Variants in OSBPL3 observed in about 807,000 individuals in gnomAD.
The protein encoded by OSBPL3 is oxysterol binding protein like 3.
OSBPL3 carries 65 observed loss-of-function variants against 120.1 expected under a neutral mutation model. That is an observed-to-expected ratio of 0.54 (90% confidence interval 0.44 to 0.67). OSBPL3 has a LOEUF of 0.67. Ranked by LOEUF, OSBPL3 falls within the 30% of genes least tolerant of loss-of-function variation. The probability of loss-of-function intolerance (pLI) is 0.00; values close to 1 mark genes in which losing one functional copy is unlikely to be tolerated. For missense variants in OSBPL3, 1,004 were observed against 1,082.1 expected (o/e 0.93, Z 1.01); for synonymous variants, 416 against 402.6 (o/e 1.03, Z -0.40).
Position 24,842,356 on chromosome 7 carries a change from G to C in OSBPL3, c.1324C>G (p.Leu442Val). ...LVHQLSNESR[L>V]SITDSLSEFF... ...TCAGAAAGGGAGTCAGTGATGGAGA[G>C]TCTACTTTCATTAGAAAGCTGATGA... The change falls in exon 13 of 23, where the codon CTC becomes GTC. Residue 442 changes from leucine (L) to valine (V), a missense_variant. Coordinates refer to ENST00000313367, the MANE Select transcript of OSBPL3 (RefSeq NM_015550.4). The C allele has an allele frequency of 6.2e-7, 1 of 1,612,604 alleles. No homozygotes were observed. The highest frequency in any genetic ancestry group is 8.5e-7 in the Non-Finnish European group (1 of 1,179,016).
chr7:24,941,358 CT>C (rs1455102654), intron 1 of OSBPL3, among the ~76,000 whole-genome samples: 31 of 152,108 alleles, frequency 2.0e-4, no homozygotes, highest in Admixed American at 2.0e-3. Flanking sequence ...TTCTTAAAGT[CT>C]CTACTCCCAA....
At position 24,937,683 on chromosome 7, in the gene OSBPL3, A is replaced by G. The variant is rs1812590571; in HGVS notation, c.-150+42203T>C. Reference sequence around the variant, plus strand: ...CTGGAGGTTTATGGTGCTATCAGGCATAAAACATGAAACACCTTAAACCTA... The same window carrying G: ...CTGGAGGTTTATGGTGCTATCAGGCGTAAAACATGAAACACCTTAAACCTA... On this transcript the variant is annotated intron_variant, in intron 1 of 22. Coordinates refer to ENST00000313367, the MANE Select transcript of OSBPL3 (RefSeq NM_015550.4). The surrounding 1 kb of genome is among the most constrained non-coding windows in gnomAD (Gnocchi z 4.0). 6.6e-6 allele frequency among the ~76,000 whole-genome samples: 1 copy of G among 152,236 alleles called. No individual in the cohort carries two copies. The highest frequency in any genetic ancestry group is 6.5e-5 in the Admixed American group (1 of 15,286).
At chr7:24,884,995 TA>T (rs977021973) in intron 2 of OSBPL3, among the ~76,000 whole-genome samples, 5 of 151,878 alleles carry the variant, frequency 3.3e-5, no homozygotes, top group Non-Finnish European at 7.4e-5. Context: ...TTGAAAGAAA[TA>T]AATGGGGCCA....
In OSBPL3 at chr7:24,800,293, A is replaced by G; in HGVS notation, c.2568-14T>C. The G allele has an allele frequency of 1.3e-6, 2 of 1,530,086 alleles. 1 individual carries two copies. The highest frequency in any genetic ancestry group is 2.2e-5 in the South Asian group (2 of 89,124). 94.8% of individuals were successfully genotyped at this position (1,530,086 alleles called of 1,614,324 possible). On this transcript the variant is annotated splice_polypyrimidine_tract_variant and intron_variant, in intron 22 of 22. Transcript: ENST00000313367. ...TCGTCGGATTTCCTGTGAAAGAAGAAACAATTTCTTGCAGACTCTTGAAAC... is the reference window on the plus strand; with the variant it reads ...TCGTCGGATTTCCTGTGAAAGAAGAGACAATTTCTTGCAGACTCTTGAAAC...
At chr7:24,897,580 C>T (rs1450669707) in intron 1 of OSBPL3, among the ~76,000 whole-genome samples, 3 of 152,130 alleles carry the variant, frequency 2.0e-5, no homozygotes, top group Non-Finnish European at 2.9e-5. Flanking sequence ...CCGCCTCGGC[C>T]TCCCAAAGTG....
In OSBPL3 at chr7:24,854,502, G is replaced by GCACACA. The variant is rs70942889; in HGVS notation, c.1028-1874_1028-1869dup. ...CACAACAATTTGTACACACACACAC[G>GCACACA]CACACACACACACACACACACACAC... On this transcript the variant is annotated intron_variant, in intron 10 of 22. Coordinates refer to ENST00000313367, the MANE Select transcript of OSBPL3 (RefSeq NM_015550.4). The surrounding 1 kb of genome is among the most constrained non-coding windows in gnomAD (Gnocchi z 4.1). 3.4e-3 allele frequency among the ~76,000 whole-genome samples: 450 copies of GCACACA among 131,584 alleles called. No individual in the cohort carries two copies. The highest frequency in any genetic ancestry group is 0.01 in the African/African-American group (365 of 35,934). 86.3% of individuals were successfully genotyped at this position (131,584 alleles called of 152,430 possible).
chr7:24,978,813 A>G (rs1165201989), intron 1 of OSBPL3, among the ~76,000 whole-genome samples: 1 of 152,240 alleles, frequency 6.6e-6, no homozygotes, highest in African/African-American at 2.4e-5. Flanking sequence ...ACGCAGACAC[A>G]TGGAAACCGA....
chr7:24,943,876 A>T (rs1813385373), intron 1 of OSBPL3, among the ~76,000 whole-genome samples: 1 of 152,088 alleles, frequency 6.6e-6, no homozygotes, highest in Non-Finnish European at 1.5e-5. Flanking sequence ...TTATCATTGT[A>T]CTCCACCAGA....
intron 1 of OSBPL3, among the ~76,000 whole-genome samples, chr7:24,915,256 T>C (rs1251570742): frequency 2.0e-5 from 3 of 152,196 alleles, no homozygotes; most frequent in Non-Finnish European, 2.9e-5. Context: ...TTCTCCAACA[T>C]GTAAGTTTTT....
In OSBPL3 at chr7:24,822,786, G is replaced by A. The variant is rs1483415894; in HGVS notation, c.1885-2548C>T. Among the ~76,000 whole-genome samples the A allele has an allele frequency of 6.6e-6, 1 of 152,122 alleles. No individual in the cohort carries two copies. The highest frequency in any genetic ancestry group is 2.4e-5 in the African/African-American group (1 of 41,412). On this transcript the variant is annotated intron_variant, in intron 16 of 22. Transcript: ENST00000313367. The surrounding 1 kb of genome is among the most constrained non-coding windows in gnomAD (Gnocchi z 5.8). The stretch of plus-strand genomic sequence containing the variant: ...TATGAATTACAAGAGAACCCCTACA[G>A]TATACACACATCTCATAAAAACCCA...
chr7:24,840,164 G>A (rs1167183366), intron 14 of OSBPL3, among the ~76,000 whole-genome samples: 1 of 151,794 alleles, frequency 6.6e-6, no homozygotes, highest in Non-Finnish European at 1.5e-5. Flanking sequence ...AGGGGGTGGG[G>A]TCCATGTCTT....
At position 24,804,586 on chromosome 7, in the gene OSBPL3, G is replaced by A; in HGVS notation, c.2445-149C>T. On this transcript the variant is annotated intron_variant, in intron 21 of 22. Transcript: ENST00000313367. This position sits in a 1 kb window ranked among gnomAD's most constrained non-coding sequence, Gnocchi z 5.4. ...GCCCCAACCGTTTAATCCGTATCTT[G>A]AAGTAGTCAGAGAAGATATTTTTTT... The A allele has an allele frequency of 1.5e-6, 1 of 646,968 alleles. No homozygotes were observed. Among genetic ancestry groups the A allele is most frequent in the Non-Finnish European group, 2.6e-6 (1 of 385,410 alleles). 40.1% of individuals were successfully genotyped at this position (646,968 alleles called of 1,614,324 possible). A position where few individuals can be genotyped will look rare whatever the true frequency, so the allele number is the denominator to read the frequency against.
rs144450900 is a variant in OSBPL3, at chr7:24,893,330, A to G, written c.-149-709T>C. Among the ~76,000 whole-genome samples the G allele has an allele frequency of 3.0e-3, 463 of 152,358 alleles. 4 individuals are homozygous for G. Among genetic ancestry groups the G allele is most frequent in the Non-Finnish European group, 1.6e-3 (111 of 68,034 alleles). ...AGGTACTGATACATGCTATAACATC[A>G]ATGAACCTTGACAACATTAGGCTAA... On this transcript the variant is annotated intron_variant, in intron 1 of 22. Coordinates refer to ENST00000313367, the MANE Select transcript of OSBPL3 (RefSeq NM_015550.4).
Position 24,863,075 on chromosome 7 carries a change from T to A in OSBPL3, c.870+125A>T. 1 of 702,050 alleles carries A rather than the reference T, an allele frequency of 1.4e-6. No homozygotes were observed. The highest frequency in any genetic ancestry group is 2.6e-6 in the Non-Finnish European group (1 of 387,642). The allele number at this position is 702,050 out of a possible 1,614,324, so 43.5% of individuals were successfully genotyped here. ...CAATTCATCTCGCTACAGAGGACAC[T>A]GGAAAGAACAACTACAGAATATTCA... On this transcript the variant is annotated intron_variant, in intron 9 of 22. Coordinates refer to ENST00000313367, the MANE Select transcript of OSBPL3 (RefSeq NM_015550.4). This position sits in a 1 kb window ranked among gnomAD's most constrained non-coding sequence, Gnocchi z 5.8.
At chr7:24,945,794 G>C (rs754071338) in intron 1 of OSBPL3, among the ~76,000 whole-genome samples, 2 of 152,212 alleles carry the variant, frequency 1.3e-5, no homozygotes, top group East Asian at 1.9e-4. Context: ...TTATGTTAAG[G>C]CTCTGTTCAA....
chr7:24,892,616 T>C lies in OSBPL3; in HGVS notation c.-144A>G. ...ATTTTGGGTGGCCCAAAGGAAACCC[T>C]AAAACCTAAAAAAGAGAAATTAGAA... On this transcript the variant is annotated 5_prime_UTR_variant, in exon 2 of 23. Coordinates refer to ENST00000313367, the MANE Select transcript of OSBPL3 (RefSeq NM_015550.4). The C allele has an allele frequency of 7.3e-7, 1 of 1,364,368 alleles. No homozygotes were observed. The highest frequency in any genetic ancestry group is 9.5e-7 in the Non-Finnish European group (1 of 1,053,478). 84.5% of individuals were successfully genotyped at this position (1,364,368 alleles called of 1,614,324 possible). A position where few individuals can be genotyped will look rare whatever the true frequency, so the allele number is the denominator to read the frequency against.
At position 24,815,024 on chromosome 7, in the gene OSBPL3, T is replaced by G. The variant is rs769762980; in HGVS notation, c.2172+35A>C. ...GGGGCCCTGGCTCTGCCACAGCCCTTCCAGGGTCAGAGCTCAGAGAGTCAC... is the reference window on the plus strand; with the variant it reads ...GGGGCCCTGGCTCTGCCACAGCCCTGCCAGGGTCAGAGCTCAGAGAGTCAC... On this transcript the variant is annotated intron_variant, in intron 19 of 22. Transcript: ENST00000313367. This position sits in a 1 kb window ranked among gnomAD's most constrained non-coding sequence, Gnocchi z 5.1. 1 of 1,608,906 alleles carries G rather than the reference T, an allele frequency of 6.2e-7. No homozygotes were observed. Among genetic ancestry groups the G allele is most frequent in the Non-Finnish European group, 8.5e-7 (1 of 1,175,572 alleles).
At chr7:24,942,966 G>A (rs1414018240) in intron 1 of OSBPL3, among the ~76,000 whole-genome samples, 2 of 152,202 alleles carry the variant, frequency 1.3e-5, no homozygotes, top group Admixed American at 6.5e-5. Flanking sequence ...TTAAGGAGCT[G>A]AGCAGTGCTA....
At position 24,849,376 on chromosome 7, in the gene OSBPL3, G is replaced by GGGCTCT. The variant is rs545036149; in HGVS notation, c.1159-206_1159-201dup. 2.0e-5 allele frequency: 8 copies of GGGCTCT among 396,462 alleles called. No individual in the cohort carries two copies. Among genetic ancestry groups the GGGCTCT allele is most frequent in the Middle Eastern group, 7.1e-4 (1 of 1,402 alleles). The allele number at this position is 396,462 out of a possible 1,614,324, so 24.6% of individuals were successfully genotyped here. On this transcript the variant is annotated intron_variant, in intron 11 of 22. Transcript: ENST00000313367. This position sits in a 1 kb window ranked among gnomAD's most constrained non-coding sequence, Gnocchi z 5.4. Reference sequence around the variant, plus strand: ...GAGATGCCTGGGAGATGACAAACCTGGGCTCTGGAAATGATGCTCTTTTTC... The same window carrying GGGCTCT: ...GAGATGCCTGGGAGATGACAAACCTGGGCTCTGGCTCTGGAAATGATGCTCTTTTTC...
Sources: allele counts gnomAD v4.1 joint callset (sites outside exome capture counted in the v4.1 genomes callset), GRCh38; gene constraint gnomAD v4.1.1; non-coding constraint Gnocchi (gnomAD v3.1); transcripts MANE v1.5; gene names NCBI Gene and HGNC (gene_info 2026-07-23, HGNC 2026-07-21).